The following TCF21 variants were observed in gnomAD, a reference collection of about 807,000 sequenced individuals.
TCF21 encodes the protein transcription factor 21.
Under a neutral mutation model 13.5 loss-of-function variants are expected in TCF21, and 3 were observed. The ratio of observed to expected loss-of-function variants is 0.22; its 90% CI spans 0.10 to 0.57. TCF21 has a LOEUF of 0.57. Ranked by LOEUF, TCF21 falls within the 20% of genes least tolerant of loss-of-function variation. The pLI, the probability that TCF21 is intolerant of heterozygous loss-of-function variation, is 0.92. For missense variants in TCF21, 181 were observed against 238.4 expected, an observed-to-expected ratio of 0.76 and a Z score of 1.59; for synonymous variants, 92 against 101.7, an observed-to-expected ratio of 0.90 and a Z score of 0.57.
downstream of TCF21, chr6:133,895,493 G>A (rs984146762): frequency 6.6e-6 from 1 of 152,172 alleles, no homozygotes; most frequent in African/African-American, 2.4e-5. Context: ...ATTCAGTCTG[G>A]ACTTCAAATC....
At position 133,889,472 on chromosome 6, in the gene TCF21, G is replaced by A. The variant is rs1434540998; in HGVS notation, c.75G>A (p.Met25Ile). The A allele has an allele frequency of 6.2e-7, 1 of 1,614,130 alleles. No homozygotes were observed. Among genetic ancestry groups the A allele is most frequent in the Admixed American group, 1.7e-5 (1 of 60,028 alleles). ...TGTTGGAATGTGACGGGTTGAAAAT[G>A]GATTCGAACAAGGAATTTGTGACTT... ...VEMLECDGLK[M>I]DSNKEFVTSN... The change falls in exon 1 of 2, where the codon ATG becomes ATA. Residue 25 changes from methionine to isoleucine, a missense_variant. Met to Ile is a conservative substitution (Grantham distance 10). This residue lies in a region of TCF21 where 91 missense variants were observed against 98.5 expected (regional missense o/e 0.92). Transcript: ENST00000367882. This position sits in a 1 kb window ranked among gnomAD's most constrained non-coding sequence, Gnocchi z 5.1.
chr6:133,890,915 GT>G (rs953559405), intron 1 of TCF21, among the ~76,000 whole-genome samples: 3 of 152,102 alleles, frequency 2.0e-5, no homozygotes, highest in Non-Finnish European at 4.4e-5. Flanking sequence ...AAAGTTTGGG[GT>G]TTTTCCCCCC....
chr6:133,893,533 TC>T (rs1775254112), downstream of TCF21: 3 of 152,296 alleles, frequency 2.0e-5, no homozygotes, highest in South Asian at 6.2e-4. Context: ...TCATGTGTTC[TC>T]TCCTTTCTAC....
rs1002113672 is a variant in TCF21, at chr6:133,892,029, C to T, written c.*227C>T. 2 of 508,806 alleles carry T rather than the reference C, an allele frequency of 3.9e-6. No homozygotes were observed. The highest frequency in any genetic ancestry group is 3.8e-5 in the African/African-American group (2 of 52,280). The allele number at this position is 508,806 out of a possible 1,614,324, so 31.5% of individuals were successfully genotyped here. ...TCTATTTAACTTTATTAACTTCTAC[C>T]GTGAATGACTCTGCAAGCCTTGCTG... On this transcript the variant is annotated 3_prime_UTR_variant, in exon 2 of 2. Transcript: ENST00000367882.
At position 133,889,387 on chromosome 6, in the gene TCF21, C is replaced by T. The variant is rs763405748; in HGVS notation, c.-11C>T. On this transcript the variant is annotated 5_prime_UTR_variant, in exon 1 of 2. Coordinates refer to ENST00000367882, the MANE Select transcript of TCF21 (RefSeq NM_003206.4). The surrounding 1 kb of genome is among the most constrained non-coding windows in gnomAD (Gnocchi z 5.1). ...TCTCTCTCTCTCTCTCCCTCGTCCA[C>T]TCCCCCAAACATGTCCACCGGCTCC... The T allele has an allele frequency of 1.9e-6, 3 of 1,613,540 alleles. No homozygotes were observed. The highest frequency in any genetic ancestry group is 2.2e-5 in the East Asian group (1 of 44,864).
chr6:133,889,912 G>A lies in TCF21; in HGVS notation c.450+65G>A, dbSNP rs1178829353. 1.3e-6 allele frequency: 2 copies of A among 1,577,884 alleles called. No homozygotes were observed. Among genetic ancestry groups the A allele is most frequent in the Non-Finnish European group, 1.7e-6 (2 of 1,150,290 alleles). ...CCGCACTCCCGCCTGCGGTGGGCGC[G>A]AGTGCGCGCGGGGCTGGGAGTGGGG... is the stretch of plus-strand genomic sequence containing the variant. On this transcript the variant is annotated intron_variant, in intron 1 of 1. Transcript: ENST00000367882. The surrounding 1 kb of genome is among the most constrained non-coding windows in gnomAD (Gnocchi z 5.1).
In TCF21 at chr6:133,889,978, G is replaced by A. The variant is rs1775182696; in HGVS notation, c.450+131G>A. The A allele has an allele frequency of 6.9e-6, 7 of 1,018,288 alleles. No homozygotes were observed. The highest frequency in any genetic ancestry group is 1.0e-5 in the Non-Finnish European group (7 of 670,244). 63.1% of individuals were successfully genotyped at this position (1,018,288 alleles called of 1,614,324 possible). A position where few individuals can be genotyped will look rare whatever the true frequency, so the allele number is the denominator to read the frequency against. ...TGACTTACACATCTCGACCACCGCG[G>A]GCCTAGAGCCTCCAGGGACCGGAGG... On this transcript the variant is annotated intron_variant, in intron 1 of 1. Coordinates refer to ENST00000367882, the MANE Select transcript of TCF21 (RefSeq NM_003206.4). The surrounding 1 kb of genome is among the most constrained non-coding windows in gnomAD (Gnocchi z 5.1).
downstream of TCF21, chr6:133,892,430 C>T (rs189593765): frequency 5.3e-4 from 80 of 152,056 alleles, 1 homozygote; most frequent in Admixed American, 4.6e-3. Flanking sequence ...TATACTGAAA[C>T]CTTAAAAAAG....
At chr6:133,893,033 A>G (rs1393045674), downstream of TCF21, 1 of 152,252 alleles carries the variant, frequency 6.6e-6, no homozygotes, top group African/African-American at 2.4e-5. Context: ...GTTCGGGGTT[A>G]TGACCGCAGT....
At chr6:133,891,553 C>T (rs1775216975) in intron 1 of TCF21, 160 bp from the exon 2 acceptor site, 1 of 777,736 alleles carries the variant, frequency 1.3e-6, no homozygotes, top group Non-Finnish European at 2.1e-6. Context: ...TTTATGCAGC[C>T]GCAGGGTGCG....
At position 133,889,868 on chromosome 6, in the gene TCF21, A is replaced by C; in HGVS notation, c.450+21A>C. ...ACCTGGTGAGTGCTCCCGGGGCTGC[A>C]GCTGCAGTCCAGGCGCGCCCGCACT... is the stretch of plus-strand genomic sequence containing the variant. On this transcript the variant is annotated intron_variant, in intron 1 of 1. Transcript: ENST00000367882. The surrounding 1 kb of genome is among the most constrained non-coding windows in gnomAD (Gnocchi z 5.1). 1 of 1,612,414 alleles carries C rather than the reference A, an allele frequency of 6.2e-7. No individual in the cohort carries two copies. Among genetic ancestry groups the C allele is most frequent in the Non-Finnish European group, 8.5e-7 (1 of 1,179,620 alleles).
At position 133,889,712 on chromosome 6, in the gene TCF21, C is replaced by T; in HGVS notation, c.315C>T (p.Thr105=). ...LSKAFSRLKT[T]LPWVPPDTKL... ...AGGCCTTCTCCAGACTCAAGACCAC[C>T]CTGCCCTGGGTGCCCCCCGACACCA... Residue 105 remains threonine, a synonymous_variant, in exon 1 of 2, where the codon ACC becomes ACT. Coordinates refer to ENST00000367882, the MANE Select transcript of TCF21 (RefSeq NM_003206.4). The surrounding 1 kb of genome is among the most constrained non-coding windows in gnomAD (Gnocchi z 5.1). The T allele has an allele frequency of 6.2e-7, 1 of 1,613,762 alleles. No homozygotes were observed. The highest frequency in any genetic ancestry group is 1.3e-5 in the African/African-American group (1 of 75,050).
Position 133,891,879 on chromosome 6 carries a change from C to A in TCF21, c.*77C>A. The A allele has an allele frequency of 6.9e-7, 1 of 1,450,860 alleles. No individual in the cohort carries two copies. Among genetic ancestry groups the A allele is most frequent in the Non-Finnish European group, 9.5e-7 (1 of 1,047,824 alleles). 89.9% of individuals were successfully genotyped at this position (1,450,860 alleles called of 1,614,324 possible). ...GGGAAGGCGACCCCTGCCCTCAGTG[C>A]TCTCTGTCTCTGCTTCCCCCTCGCA... On this transcript the variant is annotated 3_prime_UTR_variant, in exon 2 of 2. Transcript: ENST00000367882.
At position 133,889,281 on chromosome 6, in the gene TCF21, G is replaced by C; in HGVS notation, c.-117G>C. 1 of 1,345,676 alleles carries C rather than the reference G, an allele frequency of 7.4e-7. No individual in the cohort carries two copies. Among genetic ancestry groups the C allele is most frequent in the Admixed American group, 1.7e-5 (1 of 59,050 alleles). The allele number at this position is 1,345,676 out of a possible 1,614,324, so 83.4% of individuals were successfully genotyped here. A position where few individuals can be genotyped will look rare whatever the true frequency, so the allele number is the denominator to read the frequency against. ...CCAGCTCCCAGCAGGAGGTGGCTGC[G>C]CCACACTCGGGAGGCCTCTTGGTTT... On this transcript the variant is annotated 5_prime_UTR_variant, in exon 1 of 2. Transcript: ENST00000367882. The surrounding 1 kb of genome is among the most constrained non-coding windows in gnomAD (Gnocchi z 5.1).
At chr6:133,894,951 C>G (rs868683371), downstream of TCF21, 1 of 152,090 alleles carries the variant, frequency 6.6e-6, no homozygotes, top group Non-Finnish European at 1.5e-5. Context: ...AGCGAGTCTG[C>G]AAGTTCTCAG....
chr6:133,892,996 C>A (rs1029950700), downstream of TCF21: 1 of 152,260 alleles, frequency 6.6e-6, no homozygotes, highest in Non-Finnish European at 1.5e-5. Flanking sequence ...GCGGCCGATG[C>A]GCCAGATGCC....
rs1775225316 is a variant in TCF21 at position 133,891,878 on chromosome 6, GCTCT to G, written c.*79_*82del. 6.8e-7 allele frequency: 1 copy of G among 1,479,362 alleles called. No individual in the cohort carries two copies. The highest frequency in any genetic ancestry group is 1.4e-5 in the African/African-American group (1 of 71,830). 91.6% of individuals were successfully genotyped at this position (1,479,362 alleles called of 1,614,324 possible). A position where few individuals can be genotyped will look rare whatever the true frequency, so the allele number is the denominator to read the frequency against. ...CGGGAAGGCGACCCCTGCCCTCAGT[GCTCT>G]CTGTCTCTGCTTCCCCCTCGCAATG... On this transcript the variant is annotated 3_prime_UTR_variant, in exon 2 of 2. Transcript: ENST00000367882.
At position 133,891,832 on chromosome 6, in the gene TCF21, G is replaced by A; in HGVS notation, c.*30G>A. The A allele has an allele frequency of 6.2e-7, 1 of 1,611,458 alleles. No individual in the cohort carries two copies. The highest frequency in any genetic ancestry group is 8.5e-7 in the Non-Finnish European group (1 of 1,178,240). The stretch of plus-strand genomic sequence containing the variant: ...GGAGGTGCGAGTCTGGGAAAGGCGC[G>A]CTCCCGGGGGGAGCGGGCCCCGGGA... On this transcript the variant is annotated 3_prime_UTR_variant, in exon 2 of 2. Coordinates refer to ENST00000367882, the MANE Select transcript of TCF21 (RefSeq NM_003206.4).
chr6:133,891,658 A>ACCCCAC, intron 1 of TCF21, 55 bp from the exon 2 acceptor site: 3 of 997,180 alleles, frequency 3.0e-6, no homozygotes, highest in South Asian at 2.0e-5. Context: ...CCCCGAGTCC[A>ACCCCAC]CCCCACCCCC....
Sources: gnomAD v4.1 joint callset for allele counts (sites outside exome capture counted in the v4.1 genomes callset) on GRCh38, gnomAD v4.1.1 for gene constraint, gnomAD v4.1.1 regional missense constraint, Gnocchi (gnomAD v3.1) non-coding constraint, MANE v1.5 for transcripts, NCBI Gene and HGNC (gene_info 2026-07-23, HGNC 2026-07-21) for gene names.